Variants in EPB41 observed in about 807,000 individuals in gnomAD.
EPB41 encodes protein 4.1.
A neutral mutation model predicts 108.0 loss-of-function variants in EPB41; 65 were observed. That is an observed-to-expected ratio of 0.60 (90% CI 0.49 to 0.74). The LOEUF is 0.74. Among genes scored for constraint, EPB41 ranks in the 30% least tolerant of loss-of-function variants. EPB41 has a pLI of 0.00. For missense variants in EPB41, 875 were observed against 1,037.0 expected (o/e 0.84, Z 2.15); for synonymous variants, 336 against 358.9 (o/e 0.94, Z 0.72).
chr1:28,967,013 CTT>C (rs71586876), intron 1 of EPB41, among the ~76,000 whole-genome samples: 4 of 85,368 alleles, frequency 4.7e-5, no homozygotes, highest in Admixed American at 1.6e-4. Flanking sequence ...ATATGAGAAC[CTT>C]TTTTTTTTTT....
intron 1 of EPB41, among the ~76,000 whole-genome samples, chr1:28,893,174 T>C (rs2090311920): frequency 6.6e-6 from 1 of 152,044 alleles, no homozygotes; most frequent in Admixed American, 6.6e-5. Context: ...CTTGACCTCC[T>C]GGGCTCAAGG....
chr1:28,958,110 C>G (rs1236597400), intron 1 of EPB41, among the ~76,000 whole-genome samples: 1 of 151,940 alleles, frequency 6.6e-6, no homozygotes, highest in African/African-American at 2.4e-5. Context: ...GCCACTGCAC[C>G]CTACTTTTAT....
chr1:29,021,165 A>G (rs1034641886), intron 7 of EPB41, among the ~76,000 whole-genome samples: 5 of 152,228 alleles, frequency 3.3e-5, no homozygotes, highest in African/African-American at 1.2e-4. Context: ...AGTTAGGACA[A>G]CGGTTCTCAA....
intron 16 of EPB41, chr1:29,096,178 G>A: frequency 4.1e-6 from 4 of 985,848 alleles, no homozygotes; most frequent in Non-Finnish European, 4.8e-6. Context: ...TTCGCACAGA[G>A]GAGGTGGCTG....
chr1:28,960,321 T>C (rs1421499951), intron 1 of EPB41, among the ~76,000 whole-genome samples: 1 of 151,956 alleles, frequency 6.6e-6, no homozygotes, highest in Non-Finnish European at 1.5e-5. Flanking sequence ...CTTCCTTGCT[T>C]TCTTGAATAA....
chr1:28,939,370 G>T (rs116183504), intron 1 of EPB41, among the ~76,000 whole-genome samples: 217 of 152,080 alleles, frequency 1.4e-3, no homozygotes, highest in African/African-American at 5.2e-3. Flanking sequence ...GTATGTAATT[G>T]TTTTTTATAG....
intron 16 of EPB41, chr1:29,066,100 C>CTTTCTT (rs1288499987): frequency 6.6e-6 from 1 of 151,766 alleles, no homozygotes; most frequent in Non-Finnish European, 1.5e-5. Context: ...TCTTCTTTTT[C>CTTTCTT]TGTTATTGTC....
chr1:28,891,916 C>A (rs949310490), intron 1 of EPB41, among the ~76,000 whole-genome samples: 1 of 151,838 alleles, frequency 6.6e-6, no homozygotes, highest in Admixed American at 6.6e-5. Flanking sequence ...GGTGAAACCC[C>A]GTCTCTACTA....
intron 1 of EPB41, among the ~76,000 whole-genome samples, chr1:28,921,966 T>TATATATATA (rs2093126578): frequency 1.9e-5 from 1 of 53,378 alleles, no homozygotes; most frequent in Admixed American, 2.8e-4. Flanking sequence ...ATATATACAC[T>TATATATATA]TTTTTTTTGT....
chr1:29,055,174 T>C (rs1645154963), intron 12 of EPB41, among the ~76,000 whole-genome samples: 1 of 152,264 alleles, frequency 6.6e-6, no homozygotes, highest in Non-Finnish European at 1.5e-5. Context: ...GCCAAATGTT[T>C]ATGACATTGG....
intron 1 of EPB41, among the ~76,000 whole-genome samples, chr1:28,930,521 G>C (rs1413754194): frequency 6.6e-6 from 1 of 150,960 alleles, no homozygotes; most frequent in South Asian, 2.1e-4. Context: ...GTCTCTCTCT[G>C]TTGCCTGGGC....
chr1:28,962,379 TTTA>T (rs1476051251), intron 1 of EPB41, among the ~76,000 whole-genome samples: 1 of 152,136 alleles, frequency 6.6e-6, no homozygotes, highest in Non-Finnish European at 1.5e-5. Flanking sequence ...TGCTATTACT[TTTA>T]ATGGCAAAAA....
intron 1 of EPB41, among the ~76,000 whole-genome samples, chr1:28,966,447 C>A (rs1344537536): frequency 6.6e-6 from 1 of 152,068 alleles, no homozygotes; most frequent in Non-Finnish European, 1.5e-5. Flanking sequence ...TTTTTTGGTG[C>A]AACATTCTGG....
chr1:29,028,255 A>G (rs1236902841), intron 7 of EPB41, among the ~76,000 whole-genome samples: 2 of 152,224 alleles, frequency 1.3e-5, no homozygotes, highest in African/African-American at 2.4e-5. Flanking sequence ...GAGTGAGTAT[A>G]GGGAAGATTT....
intron 5 of EPB41, among the ~76,000 whole-genome samples, chr1:29,013,720 G>A (rs2096538870): frequency 6.6e-6 from 1 of 151,848 alleles, no homozygotes; most frequent in Admixed American, 6.6e-5. Context: ...GTAGAGACAG[G>A]GTTTCGCCAT....
intron 1 of EPB41, among the ~76,000 whole-genome samples, chr1:28,905,354 G>A (rs553622287): frequency 2.5e-4 from 38 of 150,708 alleles, no homozygotes; most frequent in Admixed American, 4.0e-4. Context: ...AAAATCAGCC[G>A]GGCCTGGTGG....
chr1:28,988,883 GAA>G (rs371318024), intron 2 of EPB41, among the ~76,000 whole-genome samples: 9 of 150,306 alleles, frequency 6.0e-5, no homozygotes, highest in African/African-American at 2.2e-4. Context: ...GAATAGTAGA[GAA>G]AAAAAAAGTA....
intron 1 of EPB41, among the ~76,000 whole-genome samples, chr1:28,906,839 G>C (rs1451762708): frequency 6.6e-6 from 1 of 150,428 alleles, no homozygotes; most frequent in Non-Finnish European, 1.5e-5. Flanking sequence ...GCAGTAGTGC[G>C]ATCTCAGCTC....
chr1:29,034,976 T>G (rs937417089), intron 9 of EPB41, among the ~76,000 whole-genome samples: 23 of 69,210 alleles, frequency 3.3e-4, no homozygotes, highest in East Asian at 6.2e-4. Context: ...GTTTGTTGTT[T>G]TTTTTTTTTT....
Sources: gnomAD v4.1 joint callset for allele counts (sites outside exome capture counted in the v4.1 genomes callset) on GRCh38, gnomAD v4.1.1 for gene constraint, MANE v1.5 for transcripts, NCBI Gene and HGNC (gene_info 2026-07-23, HGNC 2026-07-21) for gene names.